CYSLTR1: variants seen among roughly 807,000 people sequenced by gnomAD.
CYSLTR1 encodes G-protein coupled receptor HG55.
In CYSLTR1, 1 loss-of-function variant was observed where a neutral mutation model predicts 2.1. That is an observed-to-expected ratio of 0.48 (90% CI 0.17 to 2.28). The LOEUF (loss-of-function observed/expected upper bound fraction) is 2.28, where lower values mean the gene tolerates loss of function less well. CYSLTR1 is among the 30% of genes most tolerant of loss of function. The pLI, the probability that CYSLTR1 is intolerant of heterozygous loss-of-function variation, is 0.26. For missense variants in CYSLTR1, 299 were observed against 250.1 expected (o/e 1.20, Z -1.32); for synonymous variants, 110 against 89.6 (o/e 1.23, Z -1.28).
chrX:78,317,312 T>TA (rs1358441641), intron 1 of CYSLTR1, among the ~76,000 whole-genome samples: 1 of 111,900 alleles, frequency 8.9e-6, no homozygotes, highest in African/African-American at 3.2e-5. Context: ...AAGACTTAAT[T>TA]AAAAAATTAA....
At position 78,273,784 on chromosome X, in the gene CYSLTR1, T is replaced by A; in HGVS notation, c.-27-11A>T. ...ATGTCTGCTTTGTGCCTATAATAAA[T>A]AAAAAAAATTGTCAATTTTAACTAG... is the stretch of plus-strand genomic sequence containing the variant. On this transcript the variant is annotated splice_polypyrimidine_tract_variant and intron_variant, in intron 2 of 2. Coordinates refer to ENST00000373304, the MANE Select transcript of CYSLTR1 (RefSeq NM_006639.4). The A allele has an allele frequency of 8.8e-7, 1 of 1,136,320 alleles. No homozygotes were observed. The highest frequency in any genetic ancestry group is 1.2e-6 in the Non-Finnish European group (1 of 855,929). The allele number at this position is 1,136,320 out of a possible 1,213,427, so 93.6% of individuals were successfully genotyped here. A position where few individuals can be genotyped will look rare whatever the true frequency, so the allele number is the denominator to read the frequency against.
intron 1 of CYSLTR1, among the ~76,000 whole-genome samples, chrX:78,324,353 A>C (rs1569552573): frequency 1.8e-5 from 2 of 112,100 alleles, no homozygotes; most frequent in Non-Finnish European, 3.8e-5. Flanking sequence ...CAGACTTCTT[A>C]GCAGTTTTTT....
chrX:78,290,018 T>C (rs1479448328), intron 1 of CYSLTR1, among the ~76,000 whole-genome samples: 1 of 112,110 alleles, frequency 8.9e-6, no homozygotes, highest in Non-Finnish European at 1.9e-5. Context: ...TTTTGGTGTT[T>C]CAGTCATGAA....
At chrX:78,283,383 T>A (rs1921919278) in intron 2 of CYSLTR1, 71 bp downstream of exon 2, 1 of 112,559 alleles carries the variant, frequency 8.9e-6, no homozygotes, top group African/African-American at 3.2e-5. Context: ...ATGAGAATAA[T>A]GAAGTAAGTT....
chrX:78,274,528 G>A (rs1921482768), intron 2 of CYSLTR1, among the ~76,000 whole-genome samples: 1 of 111,874 alleles, frequency 8.9e-6, no homozygotes, highest in South Asian at 3.7e-4. Flanking sequence ...CTAGCCATAT[G>A]TAGATAGCTG....
At chrX:78,310,955 A>T (rs1280427456) in intron 1 of CYSLTR1, among the ~76,000 whole-genome samples, 1 of 110,212 alleles carries the variant, frequency 9.1e-6, no homozygotes, top group Non-Finnish European at 1.9e-5. Flanking sequence ...TAGGTAGAAA[A>T]GAAATGCAGA....
Position 78,273,175 on chromosome X carries a change from TA to T in CYSLTR1, c.571del (p.Tyr191MetfsTer15). 1 of 1,210,266 alleles carries T rather than the reference TA, an allele frequency of 8.3e-7. No individual in the cohort carries two copies. The highest frequency in any genetic ancestry group is 1.1e-6 in the Non-Finnish European group (1 of 894,630). Reference sequence around the variant, plus strand: ...GATAAAGCCAACAAACAATGACACATAATGCAAGACCAAAACATGATTTTTA... The same window carrying T: ...GATAAAGCCAACAAACAATGACACATATGCAAGACCAAAACATGATTTTTA... The part of the protein sequence containing the change: ...QTKNHVLVLH[Y>X]VSLFVGFIIP... On this transcript the variant is annotated frameshift_variant, in exon 3 of 3. Coordinates refer to ENST00000373304, the MANE Select transcript of CYSLTR1 (RefSeq NM_006639.4). LOFTEE classifies it low-confidence loss of function (END_TRUNC).
At chrX:78,284,691 T>G (rs1275957450) in intron 1 of CYSLTR1, among the ~76,000 whole-genome samples, 1 of 103,727 alleles carries the variant, frequency 9.6e-6, no homozygotes, top group Non-Finnish European at 1.9e-5. Context: ...CATGAGCCAC[T>G]ACACCTGGCC....
In CYSLTR1 at chrX:78,275,933, C is replaced by A. The variant is rs369793566; in HGVS notation, c.-27-2160G>T. 2.7e-5 allele frequency among the ~76,000 whole-genome samples: 3 copies of A among 111,105 alleles called. No individual in the cohort carries two copies. In the East Asian group the frequency reaches 8.5e-4, roughly 31 times the overall value. On this transcript the variant is annotated intron_variant, in intron 2 of 2. Coordinates refer to ENST00000373304, the MANE Select transcript of CYSLTR1 (RefSeq NM_006639.4). ...TCCATGGTAAGAGAAACCTTAGAAG[C>A]CATATAGTTATTTAATGATGAGAAA... is the stretch of plus-strand genomic sequence containing the variant.
chrX:78,290,042 C>A (rs767830473), intron 1 of CYSLTR1, among the ~76,000 whole-genome samples: 1 of 111,708 alleles, frequency 9.0e-6, no homozygotes, highest in East Asian at 2.8e-4. Flanking sequence ...TTTGCCAATC[C>A]CTTGTCCTGA....
At chrX:78,294,495 AC>A (rs1265373404) in intron 1 of CYSLTR1, among the ~76,000 whole-genome samples, 1 of 111,643 alleles carries the variant, frequency 9.0e-6, no homozygotes, top group Non-Finnish European at 1.9e-5. Flanking sequence ...TGCTGGGAGA[AC>A]CCCTGCTTTC....
At chrX:78,279,078 A>G (rs1196425103) in intron 2 of CYSLTR1, among the ~76,000 whole-genome samples, 1 of 112,355 alleles carries the variant, frequency 8.9e-6, no homozygotes, top group South Asian at 3.6e-4. Context: ...AAACATCAAA[A>G]GCAATTGCAG....
intron 2 of CYSLTR1, 117 bp from the exon 3 acceptor site, chrX:78,273,890 T>A: frequency 1.7e-6 from 1 of 589,592 alleles, no homozygotes; most frequent in Non-Finnish European, 2.6e-6. Flanking sequence ...CAAGCAAGAG[T>A]AGTGAGGCAT....
Position 78,273,035 on chromosome X carries a change from C to G in CYSLTR1, c.712G>C (p.Val238Leu). The G allele has an allele frequency of 1.7e-6, 2 of 1,211,243 alleles. No individual in the cohort carries two copies. The highest frequency in any genetic ancestry group is 2.2e-6 in the Non-Finnish European group (2 of 895,296). Residue 238 changes from valine to leucine, a missense_variant, in exon 3 of 3, where the codon GTG becomes CTG. Physicochemically the swap from Val to Leu is conservative, Grantham distance 32. Coordinates refer to ENST00000373304, the MANE Select transcript of CYSLTR1 (RefSeq NM_006639.4). ...AAACTGACTAAAAAGGCAGCGGTCA[C>G]GACCATGATCATTCCTATAGCCTTT... ...HKKAIGMIMVVTAAFLVSFMP... is the reference protein window; with the variant it reads ...HKKAIGMIMVLTAAFLVSFMP...
intron 1 of CYSLTR1, chrX:78,320,980 T>C (rs1007176410): frequency 5.4e-5 from 6 of 111,763 alleles, no homozygotes; most frequent in South Asian, 3.7e-4. Flanking sequence ...AGTAAGCTCA[T>C]AGCTCATTAG....
At chrX:78,324,429 G>A (rs948291844) in intron 1 of CYSLTR1, among the ~76,000 whole-genome samples, 23 of 111,881 alleles carry the variant, frequency 2.1e-4, no homozygotes, top group African/African-American at 6.2e-4. Context: ...GTGCAGTGGC[G>A]CGATCTCGGC....
intron 1 of CYSLTR1, among the ~76,000 whole-genome samples, chrX:78,325,289 C>T (rs963432487): frequency 3.6e-5 from 4 of 111,088 alleles, no homozygotes; most frequent in Non-Finnish European, 7.5e-5. Context: ...GAGTGATGTC[C>T]CTGACCTAGC....
At chrX:78,281,803 C>A (rs148294701) in intron 2 of CYSLTR1, among the ~76,000 whole-genome samples, 199 of 111,975 alleles carry the variant, frequency 1.8e-3, no homozygotes, top group African/African-American at 6.0e-3. Context: ...TACCAGCAGG[C>A]CTTCCTACCA....
chrX:78,322,155 C>T (rs1421138188), intron 1 of CYSLTR1, among the ~76,000 whole-genome samples: 3 of 111,301 alleles, frequency 2.7e-5, no homozygotes, highest in Non-Finnish European at 5.7e-5. Flanking sequence ...TTGACCAACT[C>T]CCCAGTGCCC....
Sources: gnomAD v4.1 joint callset for allele counts (sites outside exome capture counted in the v4.1 genomes callset) on GRCh38, gnomAD v4.1.1 for gene constraint, MANE v1.5 for transcripts, NCBI Gene and HGNC (gene_info 2026-07-23, HGNC 2026-07-21) for gene names.